Variants in FAR2 observed in about 807,000 individuals in gnomAD.
FAR2 encodes the protein fatty acyl-CoA reductase 2.
In FAR2, 19 loss-of-function variants were observed where a neutral mutation model predicts 56.0. The observed-to-expected ratio is 0.34, with a 90% CI of 0.24 to 0.50. The LOEUF (loss-of-function observed/expected upper bound fraction) is 0.50. FAR2 is among the 20% of genes least tolerant of loss of function. The pLI is 0.98. For missense variants in FAR2, 508 were observed against 642.2 expected, an observed-to-expected ratio of 0.79 and a Z score of 2.26; for synonymous variants, 219 against 218.8, an observed-to-expected ratio of 1.00 and a Z score of -0.01.
intron 4 of FAR2, among the ~76,000 whole-genome samples, chr12:29,300,090 T>C (rs1365020969): frequency 6.6e-6 from 1 of 152,202 alleles, no homozygotes; most frequent in Non-Finnish European, 1.5e-5. Context: ...TGAAAAGCTT[T>C]TGGTGGCATA....
At chr12:29,212,653 C>A (rs1233678149) in intron 1 of FAR2, among the ~76,000 whole-genome samples, 2 of 152,206 alleles carry the variant, frequency 1.3e-5, no homozygotes, top group Non-Finnish European at 2.9e-5. Flanking sequence ...ACATTCCCAG[C>A]CAATACTGCA....
chr12:29,234,118 G>T (rs1027900111), intron 1 of FAR2, among the ~76,000 whole-genome samples: 7 of 151,984 alleles, frequency 4.6e-5, no homozygotes, highest in African/African-American at 1.7e-4. Context: ...CTTAAATATT[G>T]GTATGACACC....
chr12:29,270,364 T>G, intron 1 of FAR2, 48 bp from the exon 2 acceptor site: 4 of 1,362,038 alleles, frequency 2.9e-6, no homozygotes, highest in Non-Finnish European at 4.0e-6. Flanking sequence ...ACTTTGAATA[T>G]GAGAACTTCT....
chr12:29,259,216 C>T (rs1395236916), intron 1 of FAR2, among the ~76,000 whole-genome samples: 4 of 152,178 alleles, frequency 2.6e-5, no homozygotes, highest in Non-Finnish European at 4.4e-5. Flanking sequence ...GGTCATCACG[C>T]CTGGCAGATA....
intron 1 of FAR2, among the ~76,000 whole-genome samples, chr12:29,179,577 C>G (rs1468150955): frequency 3.3e-5 from 5 of 152,184 alleles, no homozygotes; most frequent in Non-Finnish European, 4.4e-5. Context: ...TACTAAGACT[C>G]CTTTGTTCAC....
intron 4 of FAR2, 69 bp from the exon 5 acceptor site, chr12:29,307,589 G>GT (rs1949272410): frequency 1.4e-6 from 2 of 1,444,132 alleles, no homozygotes; most frequent in Admixed American, 4.5e-5. Context: ...GTTTGATTGT[G>GT]TCTCACATTT....
At chr12:29,180,450 A>G (rs1008720488) in intron 1 of FAR2, among the ~76,000 whole-genome samples, 8 of 152,076 alleles carry the variant, frequency 5.3e-5, no homozygotes, top group African/African-American at 9.7e-5. Flanking sequence ...CCCTCTCCCA[A>G]TGAAACCCTC....
At chr12:29,173,763 C>A (rs566622724) in intron 1 of FAR2, among the ~76,000 whole-genome samples, 8 of 152,078 alleles carry the variant, frequency 5.3e-5, no homozygotes, top group Admixed American at 4.6e-4. Flanking sequence ...CCACACCCCC[C>A]CTACCCAAGA....
intron 1 of FAR2, among the ~76,000 whole-genome samples, chr12:29,194,521 C>CCACA (rs3222956): frequency 0.18 from 25,354 of 140,540 alleles, 2,286 homozygotes; most frequent in Middle Eastern, 0.21. Flanking sequence ...GCTAGTGATG[C>CCACA]CACACACACA....
At chr12:29,279,747 C>G (rs1948757490) in intron 2 of FAR2, among the ~76,000 whole-genome samples, 1 of 152,084 alleles carries the variant, frequency 6.6e-6, no homozygotes, top group Non-Finnish European at 1.5e-5. Context: ...GCTCTAGATA[C>G]TCTCTCCTCA....
At chr12:29,321,973 AT>A (rs765554839) in intron 10 of FAR2, 49 bp downstream of exon 10, 1 of 1,552,860 alleles carries the variant, frequency 6.4e-7, no homozygotes, top group South Asian at 1.2e-5. Flanking sequence ...CTCACTTGGA[AT>A]TTAGAATTAT....
chr12:29,326,595 A>C (rs1304795002), intron 10 of FAR2, among the ~76,000 whole-genome samples: 1 of 152,280 alleles, frequency 6.6e-6, no homozygotes, highest in Non-Finnish European at 1.5e-5. Flanking sequence ...AGGCTGGTTC[A>C]ACATATGAAA....
chr12:29,203,640 T>A (rs1482135784), intron 1 of FAR2, among the ~76,000 whole-genome samples: 1 of 152,298 alleles, frequency 6.6e-6, no homozygotes, highest in African/African-American at 2.4e-5. Context: ...GAGTGAAGGA[T>A]ACAATTGGGC....
chr12:29,153,848 G>C (rs1347284210), intron 1 of FAR2, among the ~76,000 whole-genome samples: 1 of 152,156 alleles, frequency 6.6e-6, no homozygotes, highest in Non-Finnish European at 1.5e-5. Flanking sequence ...TCATTTAATA[G>C]ATACTGCTAA....
chr12:29,325,564 T>C (rs185380337), intron 10 of FAR2, among the ~76,000 whole-genome samples: 2 of 152,286 alleles, frequency 1.3e-5, no homozygotes, highest in African/African-American at 4.8e-5. Context: ...CAGACCATAG[T>C]GCAATCAAAC....
intron 4 of FAR2, among the ~76,000 whole-genome samples, chr12:29,303,662 C>G (rs1294646733): frequency 6.6e-6 from 1 of 152,164 alleles, no homozygotes; most frequent in African/African-American, 2.4e-5. Context: ...AGAAAGTAGT[C>G]TTTTTTGCCT....
chr12:29,274,811 C>T (rs561852664), intron 2 of FAR2, among the ~76,000 whole-genome samples: 1 of 147,892 alleles, frequency 6.8e-6, no homozygotes, highest in Admixed American at 6.6e-5. Flanking sequence ...CCTTTACCTA[C>T]CCAAATCCTA....
intron 2 of FAR2, among the ~76,000 whole-genome samples, chr12:29,276,127 GTTTC>G (rs1381095845): frequency 6.6e-6 from 1 of 152,120 alleles, no homozygotes; most frequent in Non-Finnish European, 1.5e-5. Context: ...CTGAGCCTTG[GTTTC>G]TTTATCTGTA....
chr12:29,204,515 G>A (rs1246405987), intron 1 of FAR2, among the ~76,000 whole-genome samples: 1 of 152,188 alleles, frequency 6.6e-6, no homozygotes, highest in Non-Finnish European at 1.5e-5. Context: ...AACTATCTTT[G>A]TAAGGTGTGG....
Sources: allele counts gnomAD v4.1 joint callset (sites outside exome capture counted in the v4.1 genomes callset), GRCh38; gene constraint gnomAD v4.1.1; transcripts MANE v1.5; gene names NCBI Gene and HGNC (gene_info 2026-07-23, HGNC 2026-07-21).